SMIM22: variants seen among roughly 807,000 people sequenced by gnomAD.
SMIM22 encodes small integral membrane protein 22, also known as cancer associated small integral membrane open reading frame 1.
Under a neutral mutation model 8.4 loss-of-function variants are expected in SMIM22, and 16 were observed. The observed-to-expected ratio is 1.90, with a 90% CI of 1.29 to 2.89. The LOEUF is 2.89. SMIM22 is among the 30% of genes most tolerant of loss of function. SMIM22 has a pLI of 0.00. For synonymous variants in SMIM22, 67 were observed against 47.6 expected (o/e 1.41, Z -1.68); for missense variants, 159 against 107.5 (o/e 1.48, Z -2.12).
chr16:4,794,201 G>C (rs1459020274), upstream of SMIM22, among the ~76,000 whole-genome samples: 1 of 152,140 alleles, frequency 6.6e-6, no homozygotes, highest in Non-Finnish European at 1.5e-5. Context: ...TCTGCCTCCA[G>C]GGTTCAAGCA....
chr16:4,796,092 G>C (rs1365522851), intron 3 of SMIM22, 44 bp downstream of exon 3: 2 of 1,535,456 alleles, frequency 1.3e-6, no homozygotes, highest in African/African-American at 2.7e-5. Flanking sequence ...ACTGTACTGG[G>C]GGTGGAGGCG....
At chr16:4,795,031 G>T (rs2082610357), upstream of SMIM22, 2 of 152,474 alleles carry the variant, frequency 1.3e-5, no homozygotes, top group Non-Finnish European at 2.9e-5. Flanking sequence ...ACAACTCTAT[G>T]ATGCAGGCAC....
upstream of SMIM22, among the ~76,000 whole-genome samples, chr16:4,794,110 ATTAT>A (rs2082595872): frequency 6.9e-6 from 1 of 144,026 alleles, no homozygotes. Context: ...TAATTTTTGT[ATTAT>A]TATTATTTTT....
At chr16:4,788,443 G>C (rs1287910405), upstream of SMIM22, 1 of 152,448 alleles carries the variant, frequency 6.6e-6, no homozygotes, top group Non-Finnish European at 1.5e-5. Context: ...AGCAGGAGCA[G>C]GAGCTGTTAC....
chr16:4,789,714 C>A (rs2082520997), intron 2 of SMIM22, among the ~76,000 whole-genome samples: 1 of 152,108 alleles, frequency 6.6e-6, no homozygotes, highest in Non-Finnish European at 1.5e-5. Context: ...TCACCTCAGC[C>A]TCCCTAAATG....
chr16:4,794,248 T>C (rs1287268426), upstream of SMIM22, among the ~76,000 whole-genome samples: 18 of 149,336 alleles, frequency 1.2e-4, no homozygotes, highest in Non-Finnish European at 2.4e-4. Flanking sequence ...GTTGGGACTA[T>C]AGGCGCGTGC....
At chr16:4,788,686 A>G (rs970277295) in intron 1 of SMIM22, 1 of 152,202 alleles carries the variant, frequency 6.6e-6, no homozygotes, top group Non-Finnish European at 1.5e-5. Flanking sequence ...TTGCTTTAGC[A>G]AATATTTACC....
At position 4,795,965 on chromosome 16, in the gene SMIM22, C is replaced by A; in HGVS notation, c.142C>A (p.Leu48Met). Residue 48 changes from leucine to methionine, a missense_variant, in exon 3 of 4, where the codon CTG (leucine) becomes ATG (methionine). Coordinates refer to ENST00000586005, the MANE Select transcript of SMIM22 (RefSeq NM_001253794.2). ...GTCCCCAGGCACCGTGCTGCTCCTG[C>A]TGCTGCTGGTCGTCGCCCACTGCTG... ...LTFMGTVLLLLLLVVAHCCCC... is the reference protein window; with the variant it reads ...LTFMGTVLLLMLLVVAHCCCC... 1 of 1,506,928 alleles carries A rather than the reference C, an allele frequency of 6.6e-7. No homozygotes were observed. The highest frequency in any genetic ancestry group is 8.8e-7 in the Non-Finnish European group (1 of 1,131,746). The allele number at this position is 1,506,928 out of a possible 1,614,324, so 93.3% of individuals were successfully genotyped here. A position where few individuals can be genotyped will look rare whatever the true frequency, so the allele number is the denominator to read the frequency against.
At chr16:4,792,091 G>A (rs940052555), upstream of SMIM22, among the ~76,000 whole-genome samples, 2 of 152,198 alleles carry the variant, frequency 1.3e-5, no homozygotes, top group Non-Finnish European at 2.9e-5. Flanking sequence ...TACCCAGAGA[G>A]ACAGGAAGAC....
At chr16:4,794,848 C>G (rs1325392073), upstream of SMIM22, 2 of 152,260 alleles carry the variant, frequency 1.3e-5, no homozygotes, top group Non-Finnish European at 2.9e-5. Context: ...TGTGAGCCAC[C>G]AGGCCAGGCC....
At chr16:4,789,299 G>A (rs1347289943) in intron 2 of SMIM22, among the ~76,000 whole-genome samples, 2 of 151,846 alleles carry the variant, frequency 1.3e-5, no homozygotes, top group Non-Finnish European at 2.9e-5. Context: ...GAGCCACCAT[G>A]CCTGGCCTTT....
At chr16:4,793,891 C>A (rs535394007), upstream of SMIM22, among the ~76,000 whole-genome samples, 2 of 152,232 alleles carry the variant, frequency 1.3e-5, no homozygotes, top group African/African-American at 4.8e-5. Flanking sequence ...ATTCTCCTGC[C>A]TTGGCCTCCC....
rs961604875 is a variant in SMIM22 at position 4,796,209 on chromosome 16, A to G, written c.245A>G (p.Asp82Gly). The G allele has an allele frequency of 2.6e-6, 4 of 1,535,814 alleles. No individual in the cohort carries two copies. The highest frequency in any genetic ancestry group is 2.7e-5 in the African/African-American group (2 of 73,008). Residue 82 changes from aspartate (D) to glycine (G), a missense_variant, in exon 4 of 4, where the codon GAT (aspartate) becomes GGT (glycine). Transcript: ENST00000586005. ...SPWKERPKGV[D>G]NLALEP ...GTGCAGGAAAGACCCAAGGGAGTGG[A>G]TAACTTGGCCCTGGAACCCTGACCC...
In SMIM22 at chr16:4,796,199, A is replaced by G. The variant is rs779621594; in HGVS notation, c.235A>G (p.Lys79Glu). 1.3e-6 allele frequency: 2 copies of G among 1,535,776 alleles called. No homozygotes were observed. The highest frequency in any genetic ancestry group is 2.7e-5 in the African/African-American group (2 of 72,972). Reference protein sequence around the residue: ...RKVSPWKERPKGVDNLALEP With the variant: ...RKVSPWKERPEGVDNLALEP Reference sequence around the variant, plus strand: ...TGTGCTTCTCGTGCAGGAAAGACCCAAGGGAGTGGATAACTTGGCCCTGGA... The same window carrying G: ...TGTGCTTCTCGTGCAGGAAAGACCCGAGGGAGTGGATAACTTGGCCCTGGA... The change falls in exon 4 of 4, where the codon AAG becomes GAG. Residue 79 changes from lysine (K) to glutamate (E), a missense_variant. By Grantham distance (56) the Lys-to-Glu change is moderately conservative (BLOSUM62 1). Transcript: ENST00000586005.
Position 4,796,194 on chromosome 16 carries a change from G to C in SMIM22, c.230G>C (p.Arg77Thr). The change falls in exon 4 of 4, where the codon AGA becomes ACA. Residue 77 changes from arginine to threonine, a missense_variant. By Grantham distance (71) the Arg-to-Thr change is moderately conservative. Coordinates refer to ENST00000586005, the MANE Select transcript of SMIM22 (RefSeq NM_001253794.2). ...CCCGCTGTGCTTCTCGTGCAGGAAA[G>C]ACCCAAGGGAGTGGATAACTTGGCC... Reference protein sequence around the residue: ...SPRKVSPWKERPKGVDNLALE... With the variant: ...SPRKVSPWKETPKGVDNLALE... 6.5e-7 allele frequency: 1 copy of C among 1,536,056 alleles called. No individual in the cohort carries two copies. Among genetic ancestry groups the C allele is most frequent in the Non-Finnish European group, 8.7e-7 (1 of 1,146,872 alleles).
Position 4,796,061 on chromosome 16 carries a change from G to T in SMIM22, c.225+13G>T, listed in dbSNP as rs551208341. 1.4e-4 allele frequency: 221 copies of T among 1,531,786 alleles called. No individual in the cohort carries two copies. Among genetic ancestry groups the T allele is most frequent in the Middle Eastern group, 3.3e-4 (2 of 5,978 alleles). 94.9% of individuals were successfully genotyped at this position (1,531,786 alleles called of 1,614,324 possible). On this transcript the variant is annotated intron_variant, in intron 3 of 3. Coordinates refer to ENST00000586005, the MANE Select transcript of SMIM22 (RefSeq NM_001253794.2). ...GAGCCCCTGGAAGGTGAGCCCTGCC[G>T]GCCTCTGGGACCTGCACGGAACTGT...
chr16:4,792,613 C>T (rs1446542148), upstream of SMIM22, among the ~76,000 whole-genome samples: 1 of 151,172 alleles, frequency 6.6e-6, no homozygotes, highest in Non-Finnish European at 1.5e-5. Context: ...ACCAGCCTGA[C>T]CAACATGGTG....
chr16:4,791,744 G>A (rs1287308961), upstream of SMIM22, among the ~76,000 whole-genome samples: 1 of 152,128 alleles, frequency 6.6e-6, no homozygotes, highest in Non-Finnish European at 1.5e-5. Context: ...CTGGAGTGCA[G>A]TGGCGAGATC....
chr16:4,789,664 G>A (rs1027995340), intron 2 of SMIM22, among the ~76,000 whole-genome samples: 4 of 151,930 alleles, frequency 2.6e-5, no homozygotes, highest in African/African-American at 9.7e-5. Context: ...TCACTATGTT[G>A]CCCATGCTGG....
Sources: allele counts gnomAD v4.1 joint callset (sites outside exome capture counted in the v4.1 genomes callset), GRCh38; gene constraint gnomAD v4.1.1; transcripts MANE v1.5; gene names NCBI Gene and HGNC (gene_info 2026-07-23, HGNC 2026-07-21).